FAM13A: variants seen among roughly 807,000 people sequenced by gnomAD.
FAM13A encodes protein FAM13A.
A neutral mutation model predicts 129.6 loss-of-function variants in FAM13A; 76 were observed. That is an observed-to-expected ratio of 0.59 (90% CI 0.49 to 0.71). FAM13A has a LOEUF of 0.71. FAM13A is among the 30% of genes least tolerant of loss of function. The pLI is 0.00. For synonymous variants in FAM13A, 443 were observed against 449.9 expected (o/e 0.98, Z 0.20); for missense variants, 1,108 against 1,249.3 (o/e 0.89, Z 1.70).
rs541660167 is a variant in FAM13A at position 88,726,396 on chromosome 4, A to C, written c.*2137T>G. The C allele has an allele frequency of 5.4e-4, 83 of 152,654 alleles. No individual in the cohort carries two copies. The highest frequency in any genetic ancestry group is 1.8e-3 in the African/African-American group (75 of 41,562). 9.5% of individuals were successfully genotyped at this position (152,654 alleles called of 1,614,324 possible). A position where few individuals can be genotyped will look rare whatever the true frequency, so the allele number is the denominator to read the frequency against. ...CTTACTTGGTGTTTTCTTTTATTGAATCATACAAATTCAAATGGGGATTCC... is the reference window on the plus strand; with the variant it reads ...CTTACTTGGTGTTTTCTTTTATTGACTCATACAAATTCAAATGGGGATTCC... On this transcript the variant is annotated 3_prime_UTR_variant, in exon 24 of 24. Transcript: ENST00000264344.
At chr4:88,871,522 G>A (rs977822434) in intron 6 of FAM13A, among the ~76,000 whole-genome samples, 113 of 152,080 alleles carry the variant, frequency 7.4e-4, no homozygotes, top group Non-Finnish European at 3.2e-4. Flanking sequence ...TAGCCGATTC[G>A]ATCAACTGGA....
chr4:88,726,112 CAATT>C lies in FAM13A; in HGVS notation c.*2417_*2420del, dbSNP rs1315188913. On this transcript the variant is annotated 3_prime_UTR_variant, in exon 24 of 24. Transcript: ENST00000264344. Reference sequence around the variant, plus strand: ...CCAGAGCATTTTGTCTTTGTGAAGCCAATTAATTAAGACACCGCCTCTAGTGCCT... The same window carrying C: ...CCAGAGCATTTTGTCTTTGTGAAGCCAATTAAGACACCGCCTCTAGTGCCT... The C allele has an allele frequency of 3.9e-5, 6 of 152,146 alleles. No homozygotes were observed. The highest frequency in any genetic ancestry group is 9.7e-5 in the African/African-American group (4 of 41,430). 9.4% of individuals were successfully genotyped at this position (152,146 alleles called of 1,614,324 possible). A position where few individuals can be genotyped will look rare whatever the true frequency, so the allele number is the denominator to read the frequency against.
chr4:88,905,879 A>C (rs1748060800), intron 6 of FAM13A, among the ~76,000 whole-genome samples: 1 of 152,226 alleles, frequency 6.6e-6, no homozygotes, highest in Admixed American at 6.5e-5. Context: ...CTTTTATACC[A>C]CCAGATCCTC....
At chr4:88,874,626 G>C (rs1430204890) in intron 6 of FAM13A, among the ~76,000 whole-genome samples, 1 of 152,066 alleles carries the variant, frequency 6.6e-6, no homozygotes, top group African/African-American at 2.4e-5. Flanking sequence ...AATCACTGCT[G>C]AATGAAATAA....
At chr4:88,864,738 G>A (rs1174960105) in intron 6 of FAM13A, among the ~76,000 whole-genome samples, 3 of 152,148 alleles carry the variant, frequency 2.0e-5, no homozygotes, top group Non-Finnish European at 4.4e-5. Context: ...AGTTACCTAT[G>A]TTTTTGTGCT....
At chr4:88,747,257 A>G (rs758327330) in intron 18 of FAM13A, among the ~76,000 whole-genome samples, 66 of 152,140 alleles carry the variant, frequency 4.3e-4, no homozygotes, top group Non-Finnish European at 7.5e-4. Context: ...TAAGGTGAAC[A>G]CTGAGGTAAG....
chr4:88,821,706 T>C (rs1292281975), intron 7 of FAM13A, among the ~76,000 whole-genome samples: 2 of 152,196 alleles, frequency 1.3e-5, no homozygotes, highest in Non-Finnish European at 2.9e-5. Context: ...CAAAGTGTTT[T>C]AGTCTCTCAC....
rs13117902 is a variant in FAM13A at position 88,941,897 on chromosome 4, C to T, written c.606-3656G>A. 2.4e-3 allele frequency among the ~76,000 whole-genome samples: 364 copies of T among 152,236 alleles called. 2 individuals are homozygous for T. Among genetic ancestry groups the T allele is most frequent in the South Asian group, 5.2e-3 (25 of 4,822 alleles). ...AAGATGCAGTTTTTAAGGTAACTGC[C>T]GTCAGTTGCTCTAAGTGGTTATTAC... On this transcript the variant is annotated intron_variant, in intron 4 of 23. Coordinates refer to ENST00000264344, the MANE Select transcript of FAM13A (RefSeq NM_014883.4).
chr4:88,960,203 TGAA>T (rs1337486497), intron 4 of FAM13A, among the ~76,000 whole-genome samples: 1 of 152,138 alleles, frequency 6.6e-6, no homozygotes, highest in Non-Finnish European at 1.5e-5. Context: ...AATAAACAAA[TGAA>T]AATGCTATAA....
intron 3 of FAM13A, among the ~76,000 whole-genome samples, chr4:89,001,758 C>T (rs1005563961): frequency 1.4e-4 from 22 of 152,044 alleles, no homozygotes; most frequent in Admixed American, 1.4e-3. Flanking sequence ...AAAAGACAGG[C>T]TTGACTCCAA....
chr4:88,892,149 G>A (rs898387123), intron 6 of FAM13A, among the ~76,000 whole-genome samples: 3 of 150,214 alleles, frequency 2.0e-5, no homozygotes, highest in Admixed American at 2.0e-4. Context: ...ACTCCAGCCT[G>A]GGCCAGACAG....
rs35790985 is a variant in FAM13A, at chr4:88,758,651, T to C, written c.1726+103A>G. 4.0e-3 allele frequency: 4,793 copies of C among 1,183,914 alleles called. 19 individuals are homozygous for C. Among genetic ancestry groups the C allele is most frequent in the Middle Eastern group, 0.016 (78 of 4,734 alleles). 73.3% of individuals were successfully genotyped at this position (1,183,914 alleles called of 1,614,324 possible). A position where few individuals can be genotyped will look rare whatever the true frequency, so the allele number is the denominator to read the frequency against. On this transcript the variant is annotated intron_variant, in intron 14 of 23. Transcript: ENST00000264344. ...GGAAATGCAGTTACTTCTGCATGCA[T>C]AGCTCTTTCACCCACACTCTCACAT...
intron 23 of FAM13A, chr4:88,729,664 C>A (rs886785590): frequency 6.6e-6 from 1 of 152,158 alleles, no homozygotes; most frequent in African/African-American, 2.4e-5. Context: ...TCCTCAGACA[C>A]GAAGTCATGG....
intron 7 of FAM13A, among the ~76,000 whole-genome samples, chr4:88,836,196 C>T (rs1734772829): frequency 6.6e-6 from 1 of 152,090 alleles, no homozygotes; most frequent in Non-Finnish European, 1.5e-5. Context: ...TACTACTGAA[C>T]TGCATACTTA....
chr4:88,946,681 C>G (rs1755943094), intron 4 of FAM13A, among the ~76,000 whole-genome samples: 2 of 152,054 alleles, frequency 1.3e-5, no homozygotes, highest in South Asian at 4.2e-4. Context: ...CAGGTAAATT[C>G]CTTGTCTGGC....
At chr4:88,823,739 C>A (rs1329975476) in intron 7 of FAM13A, among the ~76,000 whole-genome samples, 1 of 152,208 alleles carries the variant, frequency 6.6e-6, no homozygotes, top group Non-Finnish European at 1.5e-5. Flanking sequence ...CCTTGCCCTA[C>A]CCACATGTAT....
intron 6 of FAM13A, among the ~76,000 whole-genome samples, chr4:88,905,055 A>T (rs1331317055): frequency 6.6e-6 from 1 of 152,178 alleles, no homozygotes; most frequent in Non-Finnish European, 1.5e-5. Flanking sequence ...CATCTCATGC[A>T]TTTCTATTAT....
rs763919235 is a variant in FAM13A at position 88,787,849 on chromosome 4, G to A, written c.1175C>T (p.Ser392Leu). 5 of 1,613,662 alleles carry A rather than the reference G, an allele frequency of 3.1e-6. No homozygotes were observed. Among genetic ancestry groups the A allele is most frequent in the Non-Finnish European group, 3.4e-6 (4 of 1,179,720 alleles). Residue 392 changes from serine to leucine, a missense_variant, in exon 10 of 24, where the codon TCA becomes TTA. By Grantham distance (145) the Ser-to-Leu change is moderately radical. Coordinates refer to ENST00000264344, the MANE Select transcript of FAM13A (RefSeq NM_014883.4). ...AGATGCTGATAGTGTTCCAGATTCTGAGTCCTCTGAACTTTGACCTCCAGA... is the reference window on the plus strand; with the variant it reads ...AGATGCTGATAGTGTTCCAGATTCTAAGTCCTCTGAACTTTGACCTCCAGA... ...NNSGGQSSED[S>L]ESGTLSASSA...
chr4:88,744,810 T>C (rs1183625182), intron 19 of FAM13A, among the ~76,000 whole-genome samples: 2 of 152,070 alleles, frequency 1.3e-5, no homozygotes, highest in African/African-American at 4.8e-5. Context: ...ATGTTCCAAA[T>C]AGAGAGAGGC....
Sources: allele counts gnomAD v4.1 joint callset (sites outside exome capture counted in the v4.1 genomes callset), GRCh38; gene constraint gnomAD v4.1.1; transcripts MANE v1.5; gene names NCBI Gene and HGNC (gene_info 2026-07-23, HGNC 2026-07-21).